ARPP21: variants seen among roughly 807,000 people sequenced by gnomAD.
ARPP21 encodes the protein cAMP-regulated phosphoprotein 21.
A neutral mutation model predicts 113.2 loss-of-function variants in ARPP21; 69 were observed. The observed-to-expected ratio is 0.61, with a 90% CI of 0.50 to 0.74. ARPP21 has a LOEUF of 0.74. ARPP21 is among the 30% of genes least tolerant of loss of function. The probability of loss-of-function intolerance (pLI) is 0.00; values close to 1 mark genes in which losing one functional copy is unlikely to be tolerated. For synonymous variants in ARPP21, 368 were observed against 375.5 expected, an observed-to-expected ratio of 0.98 and a Z score of 0.23; for missense variants, 1,070 against 1,037.4, an observed-to-expected ratio of 1.03 and a Z score of -0.43.
intron 19 of ARPP21, among the ~76,000 whole-genome samples, chr3:35,779,306 G>A (rs1322517843): frequency 6.6e-6 from 1 of 152,150 alleles, no homozygotes; most frequent in Non-Finnish European, 1.5e-5. Context: ...CAACAAAACA[G>A]AACACAATTC....
chr3:35,667,841 A>AAAGAAGAAG (rs757542723), intron 1 of ARPP21, among the ~76,000 whole-genome samples: 1,124 of 81,474 alleles, frequency 0.014, 57 homozygotes, highest in Admixed American at 0.023. Flanking sequence ...TTTTATTCTC[A>AAAGAAGAAG]AAGAAGAAGA....
At chr3:35,670,689 G>C (rs1313838872) in intron 1 of ARPP21, among the ~76,000 whole-genome samples, 1 of 152,068 alleles carries the variant, frequency 6.6e-6, no homozygotes, top group East Asian at 1.9e-4. Context: ...GATGGTTTAA[G>C]TGGGAAAGTA....
chr3:35,673,570 G>C (rs994767014), intron 1 of ARPP21, among the ~76,000 whole-genome samples: 5 of 152,022 alleles, frequency 3.3e-5, no homozygotes, highest in Admixed American at 3.3e-4. Flanking sequence ...ATAAAACAAA[G>C]ATGTCATAGC....
intron 19 of ARPP21, among the ~76,000 whole-genome samples, chr3:35,759,268 C>T (rs2095676090): frequency 6.6e-6 from 1 of 152,060 alleles, no homozygotes; most frequent in Admixed American, 6.6e-5. Flanking sequence ...GTCCTAAATG[C>T]TCGCTATGCC....
intron 18 of ARPP21, among the ~76,000 whole-genome samples, chr3:35,740,212 A>T (rs541371362): frequency 1.6e-4 from 24 of 152,306 alleles, no homozygotes; most frequent in African/African-American, 5.3e-4. Context: ...AAGACTGATT[A>T]TGTGTTACTG....
chr3:35,696,547 G>C (rs2149754347), intron 9 of ARPP21, among the ~76,000 whole-genome samples: 1 of 151,584 alleles, frequency 6.6e-6, no homozygotes, highest in Non-Finnish European at 1.5e-5. Context: ...TCTTTAGTTA[G>C]TTCCTGTCTT....
chr3:35,687,930 A>G (rs1258188004), intron 6 of ARPP21, 47 bp downstream of exon 6: 2 of 1,533,084 alleles, frequency 1.3e-6, no homozygotes, highest in South Asian at 1.3e-5. Context: ...GGGCACACAC[A>G]TAGTCACAGA....
chr3:35,728,689 C>T (rs1396852981), intron 14 of ARPP21, among the ~76,000 whole-genome samples: 1 of 152,128 alleles, frequency 6.6e-6, no homozygotes, highest in African/African-American at 2.4e-5. Flanking sequence ...TAAACCATGC[C>T]ACTCCTTAAA....
In ARPP21 at chr3:35,753,680, G is replaced by T. The variant is rs565583698; in HGVS notation, c.2137+9715G>T. On this transcript the variant is annotated intron_variant, in intron 19 of 20. Transcript: ENST00000684406. ...CAAAGCCACAATTTCTTTTCTGATA[G>T]TTCTTCATAGAAATTCAATAAATAG... 2.0e-5 allele frequency among the ~76,000 whole-genome samples: 3 copies of T among 152,118 alleles called. No homozygotes were observed. In the East Asian group the frequency reaches 5.8e-4, roughly 29 times the overall value.
rs867181747 is a variant in ARPP21, at chr3:35,646,101, A to C, written c.-213+5703A>C. 2.6e-5 allele frequency among the ~76,000 whole-genome samples: 4 copies of C among 152,192 alleles called. No individual in the cohort carries two copies. The South Asian group carries it at 8.3e-4, about 32-fold the overall frequency. On this transcript the variant is annotated intron_variant, in intron 1 of 20. Coordinates refer to ENST00000684406, the MANE Select transcript of ARPP21 (RefSeq NM_001385562.1). ...TTTCAGATTATCTCACTACTGTTAC[A>C]TAGACCTAGAAAAATCGAGCCACTG...
chr3:35,643,011 C>T (rs1278574543), intron 1 of ARPP21, among the ~76,000 whole-genome samples: 1 of 152,062 alleles, frequency 6.6e-6, no homozygotes, highest in Non-Finnish European at 1.5e-5. Flanking sequence ...GGCAAAATAT[C>T]TTAACATTAT....
intron 9 of ARPP21, among the ~76,000 whole-genome samples, chr3:35,699,157 C>T (rs900995758): frequency 4.0e-5 from 6 of 151,410 alleles, no homozygotes; most frequent in South Asian, 2.1e-4. Flanking sequence ...ATACATACTA[C>T]GTATCATACA....
At position 35,715,422 on chromosome 3, in the gene ARPP21, T is replaced by C. The variant is rs746616475; in HGVS notation, c.898-17T>C. 5 of 1,592,392 alleles carry C rather than the reference T, an allele frequency of 3.1e-6. No individual in the cohort carries two copies. Among genetic ancestry groups the C allele is most frequent in the South Asian group, 1.1e-5 (1 of 89,930 alleles). On this transcript the variant is annotated splice_polypyrimidine_tract_variant and intron_variant, in intron 11 of 20. Coordinates refer to ENST00000684406, the MANE Select transcript of ARPP21 (RefSeq NM_001385562.1). ...TATCCAGAACTTCTGATCCAATGCC[T>C]TTTTTTTATTTTTCAGTCAGTTTGC...
intron 4 of ARPP21, among the ~76,000 whole-genome samples, chr3:35,683,135 T>G (rs2079475602): frequency 6.6e-6 from 1 of 151,826 alleles, no homozygotes; most frequent in Non-Finnish European, 1.5e-5. Flanking sequence ...TATTTGATCC[T>G]GTGTTCACAC....
intron 1 of ARPP21, among the ~76,000 whole-genome samples, chr3:35,646,673 T>C (rs1700354603): frequency 6.6e-6 from 1 of 152,150 alleles, no homozygotes. Context: ...AAATTGCTAT[T>C]AAATTCTGCC....
intron 9 of ARPP21, among the ~76,000 whole-genome samples, chr3:35,704,863 A>G (rs1461342819): frequency 6.6e-6 from 1 of 152,124 alleles, no homozygotes; most frequent in Non-Finnish European, 1.5e-5. Context: ...CTGTACTGAC[A>G]TGAAACTTAA....
intron 18 of ARPP21, among the ~76,000 whole-genome samples, chr3:35,742,340 T>A (rs2094719485): frequency 1.3e-5 from 2 of 152,250 alleles, no homozygotes; most frequent in South Asian, 4.1e-4. Flanking sequence ...ATGGTAGTCA[T>A]CTTTAATACC....
At chr3:35,652,429 T>A (rs80247325) in intron 1 of ARPP21, among the ~76,000 whole-genome samples, 1 of 152,110 alleles carries the variant, frequency 6.6e-6, no homozygotes, top group Non-Finnish European at 1.5e-5. Context: ...AAAATCAATT[T>A]TTCTAAAAAT....
At chr3:35,737,125 G>A in intron 15 of ARPP21, 53 bp from the exon 16 acceptor site, 1 of 1,088,270 alleles carries the variant, frequency 9.2e-7, no homozygotes, top group Non-Finnish European at 1.4e-6. Context: ...GGTTCTTCAT[G>A]TCAAAGGAGA....
Sources: gnomAD v4.1 joint callset for allele counts (sites outside exome capture counted in the v4.1 genomes callset) on GRCh38, gnomAD v4.1.1 for gene constraint, MANE v1.5 for transcripts, NCBI Gene and HGNC (gene_info 2026-07-23, HGNC 2026-07-21) for gene names.